The following NR5A2 variants were observed in gnomAD, a reference collection of about 807,000 sequenced individuals.
The protein encoded by NR5A2 is nuclear receptor subfamily 5 group A member 2.
In NR5A2, 26 loss-of-function variants were observed where a neutral mutation model predicts 62.7. That is an observed-to-expected ratio of 0.41 (90% confidence interval 0.30 to 0.58). NR5A2 has a LOEUF of 0.58. Ranked by LOEUF, NR5A2 falls within the 20% of genes least tolerant of loss-of-function variation. The probability of loss-of-function intolerance (pLI) is 0.22; values close to 1 mark genes in which losing one functional copy is unlikely to be tolerated. For synonymous variants in NR5A2, 246 were observed against 241.7 expected, an observed-to-expected ratio of 1.02 and a Z score of -0.16; for missense variants, 541 against 669.1, an observed-to-expected ratio of 0.81 and a Z score of 2.11.
intron 7 of NR5A2, among the ~76,000 whole-genome samples, chr1:200,149,586 C>T (rs1322741319): frequency 6.6e-6 from 1 of 152,214 alleles, no homozygotes. Flanking sequence ...GGGGTGAGAC[C>T]AAGGAAAGGC....
At chr1:200,075,812 G>A (rs1248462086) in intron 5 of NR5A2, among the ~76,000 whole-genome samples, 1 of 152,102 alleles carries the variant, frequency 6.6e-6, no homozygotes, top group Non-Finnish European at 1.5e-5. Flanking sequence ...GCCTTATATC[G>A]CCAGGCTTTC....
intron 5 of NR5A2, among the ~76,000 whole-genome samples, chr1:200,096,078 A>G (rs1172295614): frequency 2.0e-5 from 3 of 152,022 alleles, no homozygotes; most frequent in East Asian, 3.9e-4. Flanking sequence ...CACCCATACC[A>G]CAATGCTGCT....
At chr1:200,107,563 C>G (rs1000581756) in intron 5 of NR5A2, among the ~76,000 whole-genome samples, 1 of 152,170 alleles carries the variant, frequency 6.6e-6, no homozygotes, top group African/African-American at 2.4e-5. Context: ...TTTAGAGAAG[C>G]AGAGGAACAG....
intron 6 of NR5A2, among the ~76,000 whole-genome samples, chr1:200,116,569 C>CCAGG (rs1280630779): frequency 5.9e-5 from 9 of 152,118 alleles, no homozygotes; most frequent in Admixed American, 1.3e-4. Context: ...AAAGAGCAGC[C>CCAGG]CAGGACACCA....
At chr1:200,036,736 C>G (rs576886964) in intron 1 of NR5A2, among the ~76,000 whole-genome samples, 1 of 152,212 alleles carries the variant, frequency 6.6e-6, no homozygotes, top group Non-Finnish European at 1.5e-5. Context: ...AGGCCTGGAG[C>G]GCCGAGGGCT....
intron 5 of NR5A2, among the ~76,000 whole-genome samples, chr1:200,061,985 C>T (rs1332492934): frequency 6.6e-6 from 1 of 152,072 alleles, no homozygotes; most frequent in Non-Finnish European, 1.5e-5. Flanking sequence ...TTAACGTGCT[C>T]AAGACATAAA....
In NR5A2 at chr1:200,176,545, A is replaced by G. The variant is rs1026569315; in HGVS notation, c.*2335A>G. On this transcript the variant is annotated 3_prime_UTR_variant, in exon 8 of 8. Transcript: ENST00000367362. The stretch of plus-strand genomic sequence containing the variant: ...GAGAGGAATGGTGTGGTCAACAGTT[A>G]ATGAAACGGTTCTATCATGCATGTG... 6.6e-6 allele frequency: 1 copy of G among 152,254 alleles called. No homozygotes were observed. The highest frequency in any genetic ancestry group is 1.5e-5 in the Non-Finnish European group (1 of 68,044). The allele number at this position is 152,254 out of a possible 1,614,324, so 9.4% of individuals were successfully genotyped here. A position where few individuals can be genotyped will look rare whatever the true frequency, so the allele number is the denominator to read the frequency against.
intron 7 of NR5A2, among the ~76,000 whole-genome samples, chr1:200,162,006 A>G (rs191417106): frequency 6.6e-6 from 1 of 152,364 alleles, no homozygotes; most frequent in East Asian, 1.9e-4. Flanking sequence ...GAGAATCCAG[A>G]AAAGCTTGCC....
At chr1:200,138,768 TG>T (rs1357850862) in intron 7 of NR5A2, among the ~76,000 whole-genome samples, 1 of 152,204 alleles carries the variant, frequency 6.6e-6, no homozygotes, top group Admixed American at 6.5e-5. Context: ...TTTGTTCCTT[TG>T]GCCTATTTGA....
intron 5 of NR5A2, among the ~76,000 whole-genome samples, chr1:200,069,046 A>C (rs1447585794): frequency 6.6e-6 from 1 of 152,172 alleles, no homozygotes; most frequent in African/African-American, 2.4e-5. Context: ...TTCAGCATTT[A>C]TAGCCTCATT....
intron 1 of NR5A2, among the ~76,000 whole-genome samples, chr1:200,029,992 G>A (rs985404924): frequency 6.6e-6 from 1 of 152,166 alleles, no homozygotes. Flanking sequence ...AACAGAGGGC[G>A]GTGAGGAGCC....
At chr1:200,111,802 C>T (rs1255429678) in intron 6 of NR5A2, among the ~76,000 whole-genome samples, 1 of 151,984 alleles carries the variant, frequency 6.6e-6, no homozygotes, top group African/African-American at 2.4e-5. Context: ...TTTCAGTTTT[C>T]AAGATCCAGT....
At chr1:200,059,085 G>A (rs1370229948) in intron 5 of NR5A2, among the ~76,000 whole-genome samples, 1 of 151,984 alleles carries the variant, frequency 6.6e-6, no homozygotes. Context: ...ACTCCAGCCT[G>A]GGCGGCAGAG....
At chr1:200,083,521 C>G (rs1191466371) in intron 5 of NR5A2, among the ~76,000 whole-genome samples, 3 of 152,186 alleles carry the variant, frequency 2.0e-5, no homozygotes, top group Non-Finnish European at 4.4e-5. Context: ...TGTACAGCCT[C>G]CTCATTGTCA....
At chr1:200,083,407 C>T (rs16845942) in intron 5 of NR5A2, among the ~76,000 whole-genome samples, 3,569 of 152,216 alleles carry the variant, frequency 0.023, 53 homozygotes, top group East Asian at 0.05. Context: ...CTCTAAAGTT[C>T]TTATCACACA....
intron 7 of NR5A2, among the ~76,000 whole-genome samples, chr1:200,158,157 T>G (rs1653471065): frequency 6.6e-6 from 1 of 152,182 alleles, no homozygotes; most frequent in African/African-American, 2.4e-5. Context: ...GAAATGCAAT[T>G]TTAGTAACCT....
chr1:200,173,215 C>T (rs1229549145), intron 7 of NR5A2, among the ~76,000 whole-genome samples: 1 of 152,138 alleles, frequency 6.6e-6, no homozygotes, highest in East Asian at 1.9e-4. Context: ...TGCTCATCTT[C>T]TCTACATGAG....
At chr1:200,089,984 C>T (rs1002680315) in intron 5 of NR5A2, among the ~76,000 whole-genome samples, 2 of 152,180 alleles carry the variant, frequency 1.3e-5, no homozygotes, top group East Asian at 1.9e-4. Context: ...TAGGCCTGGA[C>T]GTATTTGACA....
chr1:200,151,585 A>G (rs751745311), intron 7 of NR5A2, among the ~76,000 whole-genome samples: 2 of 152,316 alleles, frequency 1.3e-5, no homozygotes, highest in Non-Finnish European at 2.9e-5. Flanking sequence ...AACTATAGAA[A>G]AATTATAAAA....
Sources: gnomAD v4.1 joint callset for allele counts (sites outside exome capture counted in the v4.1 genomes callset) on GRCh38, gnomAD v4.1.1 for gene constraint, MANE v1.5 for transcripts, NCBI Gene and HGNC (gene_info 2026-07-23, HGNC 2026-07-21) for gene names.